ARHGEF38: variants seen among roughly 807,000 people sequenced by gnomAD.
ARHGEF38 encodes the protein Rho guanine nucleotide exchange factor (GEF) 38.
In ARHGEF38, 79 loss-of-function variants were observed where a neutral mutation model predicts 79.9. That is an observed-to-expected ratio of 0.99 (90% CI 0.82 to 1.19). ARHGEF38 has a LOEUF of 1.19. ARHGEF38 is among the 50% of genes most tolerant of loss of function. ARHGEF38 has a pLI of 0.00. For missense variants in ARHGEF38, 962 were observed against 907.2 expected, an observed-to-expected ratio of 1.06 and a Z score of -0.78; for synonymous variants, 366 against 328.3, an observed-to-expected ratio of 1.11 and a Z score of -1.24.
intron 5 of ARHGEF38, among the ~76,000 whole-genome samples, chr4:105,643,894 T>C (rs1462600856): frequency 1.4e-5 from 2 of 145,938 alleles, no homozygotes; most frequent in Non-Finnish European, 3.0e-5. Flanking sequence ...TTTTTTTTTT[T>C]TGCGACAGGC....
intron 2 of ARHGEF38, among the ~76,000 whole-genome samples, chr4:105,610,023 A>C (rs1359865359): frequency 6.6e-6 from 1 of 152,182 alleles, no homozygotes; most frequent in Admixed American, 6.6e-5. Context: ...AATACTATGC[A>C]GCCATAAAAA....
At chr4:105,570,222 A>G (rs901680953) in intron 1 of ARHGEF38, 1 of 152,358 alleles carries the variant, frequency 6.6e-6, no homozygotes, top group South Asian at 2.1e-4. Flanking sequence ...GATAATAAAT[A>G]ATGCATATTT....
At chr4:105,658,307 G>A (rs910510504) in intron 9 of ARHGEF38, among the ~76,000 whole-genome samples, 1 of 152,106 alleles carries the variant, frequency 6.6e-6, no homozygotes, top group Non-Finnish European at 1.5e-5. Context: ...TATTCGGGAG[G>A]CTGAGGTGGG....
chr4:105,620,257 A>G (rs569036196), intron 3 of ARHGEF38, among the ~76,000 whole-genome samples: 3 of 152,204 alleles, frequency 2.0e-5, no homozygotes, highest in Non-Finnish European at 4.4e-5. Context: ...GAGTTTAAGA[A>G]CACATGGGTT....
intron 1 of ARHGEF38, chr4:105,570,383 T>C (rs1726160145): frequency 1.3e-5 from 2 of 152,186 alleles, no homozygotes; most frequent in African/African-American, 4.8e-5. Flanking sequence ...ATAAACAAAA[T>C]GCAGTATGTA....
intron 3 of ARHGEF38, among the ~76,000 whole-genome samples, chr4:105,622,110 C>T (rs1429770635): frequency 2.0e-5 from 3 of 151,936 alleles, no homozygotes; most frequent in Non-Finnish European, 4.4e-5. Context: ...TTATTTCTTA[C>T]AATAAAAATA....
intron 1 of ARHGEF38, among the ~76,000 whole-genome samples, chr4:105,555,272 G>T (rs182530967): frequency 2.6e-5 from 4 of 152,254 alleles, no homozygotes; most frequent in Admixed American, 2.6e-4. Flanking sequence ...AAGCCATAAA[G>T]ATAGGCTGGC....
chr4:105,576,146 A>G (rs901827646), intron 1 of ARHGEF38, among the ~76,000 whole-genome samples: 1 of 152,106 alleles, frequency 6.6e-6, no homozygotes, highest in Non-Finnish European at 1.5e-5. Flanking sequence ...TTTTGGTTCC[A>G]TATGAATTTT....
At chr4:105,642,014 A>C (rs1242506722) in intron 5 of ARHGEF38, among the ~76,000 whole-genome samples, 3 of 152,112 alleles carry the variant, frequency 2.0e-5, no homozygotes, top group Non-Finnish European at 2.9e-5. Flanking sequence ...AATATATATG[A>C]GCAATTGTTA....
Position 105,679,379 on chromosome 4 carries a change from A to C in ARHGEF38, c.*1442A>C. 7.7e-7 allele frequency: 1 copy of C among 1,295,894 alleles called. No homozygotes were observed. The highest frequency in any genetic ancestry group is 1.7e-5 in the Admixed American group (1 of 58,696). 80.3% of individuals were successfully genotyped at this position (1,295,894 alleles called of 1,614,324 possible). A position where few individuals can be genotyped will look rare whatever the true frequency, so the allele number is the denominator to read the frequency against. ...TTCCTTTCAGGAGGCACACTCTGGT[A>C]ATCTGAGACACTGCATTACTATTCA... On this transcript the variant is annotated 3_prime_UTR_variant, in exon 14 of 14. Transcript: ENST00000420470.
intron 13 of ARHGEF38, among the ~76,000 whole-genome samples, chr4:105,672,321 A>G (rs995599445): frequency 3.3e-5 from 5 of 152,192 alleles, no homozygotes; most frequent in Non-Finnish European, 5.9e-5. Context: ...TTGCTTATCC[A>G]TTCTCTACCT....
chr4:105,561,454 AGAATAGAATAGAATAGAATAGAATAGAAT>A (rs1725570886), intron 1 of ARHGEF38: 1 of 36,208 alleles, frequency 2.8e-5, no homozygotes, highest in African/African-American at 1.1e-4. Flanking sequence ...AGAATGGAAT[AGAATAGAATAGAATAGAATAGAATAGAAT>A]AGAATAGAAT....
At chr4:105,616,205 T>C (rs185108130) in intron 3 of ARHGEF38, among the ~76,000 whole-genome samples, 244 of 152,294 alleles carry the variant, frequency 1.6e-3, no homozygotes, top group Middle Eastern at 3.4e-3. Context: ...TTTTACAAAT[T>C]TTTTGGTTAT....
chr4:105,573,021 C>A (rs745395617), intron 1 of ARHGEF38, among the ~76,000 whole-genome samples: 2 of 150,860 alleles, frequency 1.3e-5, no homozygotes, highest in Non-Finnish European at 2.9e-5. Flanking sequence ...GCTGATGGGA[C>A]CTTTGTATAT....
At chr4:105,567,040 G>A (rs1725957754) in intron 1 of ARHGEF38, among the ~76,000 whole-genome samples, 1 of 152,080 alleles carries the variant, frequency 6.6e-6, no homozygotes, top group South Asian at 2.1e-4. Context: ...CACCTCGCCT[G>A]CCATCCTTTT....
intron 1 of ARHGEF38, among the ~76,000 whole-genome samples, chr4:105,571,658 G>C (rs1433923947): frequency 6.6e-6 from 1 of 152,064 alleles, no homozygotes; most frequent in Non-Finnish European, 1.5e-5. Flanking sequence ...TTGATATTTT[G>C]CGTTGAATTC....
Position 105,648,530 on chromosome 4 carries a change from T to G in ARHGEF38, c.875-19T>G. On this transcript the variant is annotated intron_variant, in intron 6 of 13. Transcript: ENST00000420470. The stretch of plus-strand genomic sequence containing the variant: ...ATGCTGCATGTGTTCAGCTACGTTA[T>G]TACATTCTTCCTTTTCAGTTCTAAA... The G allele has an allele frequency of 6.7e-7, 1 of 1,488,060 alleles. No homozygotes were observed. The highest frequency in any genetic ancestry group is 8.9e-7 in the Non-Finnish European group (1 of 1,126,024). 92.2% of individuals were successfully genotyped at this position (1,488,060 alleles called of 1,614,324 possible). A position where few individuals can be genotyped will look rare whatever the true frequency, so the allele number is the denominator to read the frequency against.
At chr4:105,665,368 G>T (rs1189150916) in intron 10 of ARHGEF38, among the ~76,000 whole-genome samples, 5 of 151,746 alleles carry the variant, frequency 3.3e-5, no homozygotes, top group African/African-American at 4.8e-5. Flanking sequence ...GTGGTGATGC[G>T]TGGCTATAAT....
intron 2 of ARHGEF38, among the ~76,000 whole-genome samples, chr4:105,602,243 A>T (rs1252673741): frequency 2.0e-5 from 3 of 152,160 alleles, no homozygotes; most frequent in Non-Finnish European, 4.4e-5. Flanking sequence ...ATAGTAGCAG[A>T]TGGTCCTTAT....
Sources: gnomAD v4.1 joint callset for allele counts (sites outside exome capture counted in the v4.1 genomes callset) on GRCh38, gnomAD v4.1.1 for gene constraint, MANE v1.5 for transcripts, NCBI Gene and HGNC (gene_info 2026-07-23, HGNC 2026-07-21) for gene names.